Variants in ACAD11 observed in about 807,000 individuals in gnomAD.
The protein encoded by ACAD11 is acyl-Coenzyme A dehydrogenase family, member 11.
A neutral mutation model predicts 102.2 loss-of-function variants in ACAD11; 83 were observed. The ratio of observed to expected loss-of-function variants is 0.81; its 90% CI spans 0.68 to 0.97. ACAD11 has a LOEUF of 0.97. Among genes scored for constraint, ACAD11 ranks in the 50% least tolerant of loss-of-function variants. The pLI, the probability that ACAD11 is intolerant of heterozygous loss-of-function variation, is 0.00. For missense variants in ACAD11, 901 were observed against 951.7 expected, an observed-to-expected ratio of 0.95 and a Z score of 0.70; for synonymous variants, 324 against 319.8, an observed-to-expected ratio of 1.01 and a Z score of -0.14.
intron 17 of ACAD11, among the ~76,000 whole-genome samples, chr3:132,566,304 C>A (rs9845767): frequency 0.96 from 130,646 of 135,684 alleles, 62,879 homozygotes; most frequent in East Asian, 1. Flanking sequence ...CTCAAAAAAA[C>A]AAAAAAAAAA....
intron 13 of ACAD11, chr3:132,600,857 T>C (rs752904925): frequency 3.7e-6 from 6 of 1,613,984 alleles, no homozygotes; most frequent in East Asian, 2.2e-5. Context: ...GGGAAAACCA[T>C]GCTGGATCAT....
intron 11 of ACAD11, among the ~76,000 whole-genome samples, chr3:132,606,182 G>A (rs1024917053): frequency 3.3e-5 from 5 of 152,176 alleles, no homozygotes; most frequent in African/African-American, 1.2e-4. Flanking sequence ...TTTAAGGTTA[G>A]TTACTGAAAT....
chr3:132,602,665 T>A (rs961643575), intron 13 of ACAD11, among the ~76,000 whole-genome samples: 2 of 152,338 alleles, frequency 1.3e-5, no homozygotes, highest in African/African-American at 4.8e-5. Context: ...TAATGAATTT[T>A]ATCTCTAAAA....
chr3:132,648,264 T>C (rs1940790397), intron 1 of ACAD11, among the ~76,000 whole-genome samples: 1 of 152,172 alleles, frequency 6.6e-6, no homozygotes, highest in Non-Finnish European at 1.5e-5. Context: ...TTTACAGACC[T>C]TCCAGTTCAG....
At chr3:132,628,550 G>T in intron 7 of ACAD11, 104 bp from the exon 8 acceptor site, 6 of 717,708 alleles carry the variant, frequency 8.4e-6, no homozygotes, top group Non-Finnish European at 1.1e-5. Context: ...TACTCACAGG[G>T]TATGAAGACG....
At chr3:132,611,307 C>A (rs1389629594) in intron 11 of ACAD11, among the ~76,000 whole-genome samples, 1 of 152,048 alleles carries the variant, frequency 6.6e-6, no homozygotes, top group Non-Finnish European at 1.5e-5. Flanking sequence ...CCCTTGAAAA[C>A]TGGCACAAGA....
At chr3:132,636,976 G>A (rs1576611745) in intron 5 of ACAD11, among the ~76,000 whole-genome samples, 1 of 152,022 alleles carries the variant, frequency 6.6e-6, no homozygotes, top group African/African-American at 2.4e-5. Flanking sequence ...ATTTAGAAAA[G>A]CCATTTTTTA....
intron 9 of ACAD11, 105 bp from the exon 10 acceptor site, chr3:132,619,650 T>C: frequency 1.7e-6 from 1 of 573,230 alleles, no homozygotes; most frequent in Non-Finnish European, 3.0e-6. Context: ...GTGAAGATGC[T>C]TTTTCAGCTA....
intron 13 of ACAD11, among the ~76,000 whole-genome samples, chr3:132,589,958 C>T (rs1938007537): frequency 6.6e-6 from 1 of 152,160 alleles, no homozygotes; most frequent in African/African-American, 2.4e-5. Flanking sequence ...TAAGTGAGAA[C>T]ATGCGGTATT....
intron 9 of ACAD11, among the ~76,000 whole-genome samples, chr3:132,623,422 A>G (rs1036502651): frequency 1.3e-5 from 2 of 152,180 alleles, no homozygotes; most frequent in African/African-American, 4.8e-5. Context: ...TAATCTCCAA[A>G]TAACATCCTC....
Position 132,618,749 on chromosome 3 carries a change from G to C in ACAD11, c.1299C>G (p.Leu433=), listed in dbSNP as rs752909871. 1 of 1,598,230 alleles carries C rather than the reference G, an allele frequency of 6.3e-7. No homozygotes were observed. The highest frequency in any genetic ancestry group is 8.5e-7 in the Non-Finnish European group (1 of 1,173,860). ...KLKEMAKVEG[L]WNLFLPAVSG... ...TGACAGCTGGCAAAAACAAGTTCCA[G>C]AGACCCTCGACTTTGGCCATTTCCT... Residue 433 remains leucine (L), a synonymous_variant, in exon 11 of 20, where the codon CTC becomes CTG. Coordinates refer to ENST00000264990, the MANE Select transcript of ACAD11 (RefSeq NM_032169.5).
intron 13 of ACAD11, among the ~76,000 whole-genome samples, chr3:132,585,712 T>C (rs1210488771): frequency 6.6e-6 from 1 of 152,214 alleles, no homozygotes; most frequent in African/African-American, 2.4e-5. Flanking sequence ...AAAGAAGACA[T>C]TTATGCAGCC....
intron 17 of ACAD11, among the ~76,000 whole-genome samples, chr3:132,570,503 CTTT>C (rs1335760173): frequency 6.6e-6 from 1 of 151,846 alleles, no homozygotes; most frequent in Non-Finnish European, 1.5e-5. Context: ...GTAATCATAT[CTTT>C]TTTATTTACT....
intron 17 of ACAD11, 138 bp downstream of exon 17, chr3:132,575,634 T>C: frequency 9.5e-7 from 1 of 1,054,722 alleles, no homozygotes; most frequent in East Asian, 2.6e-5. Flanking sequence ...TATATTTAAA[T>C]ACAGACATAA....
chr3:132,605,338 T>C (rs1938796857), intron 11 of ACAD11, 133 bp from the exon 12 acceptor site: 3 of 527,772 alleles, frequency 5.7e-6, no homozygotes, highest in Non-Finnish European at 1.0e-5. Flanking sequence ...TTGAAATATA[T>C]AGTAAATATA....
At position 132,637,756 on chromosome 3, in the gene ACAD11, A is replaced by T. The variant is rs577615597; in HGVS notation, c.702+1736T>A. Among the ~76,000 whole-genome samples the T allele has an allele frequency of 3.3e-5, 5 of 152,292 alleles. No homozygotes were observed. The East Asian group carries it at 9.6e-4, about 29-fold the overall frequency. The stretch of plus-strand genomic sequence containing the variant: ...AACATGCTTTAAATACTTTGTAAAT[A>T]AGTAACAGAAAATAATTTCGTTTTG... On this transcript the variant is annotated intron_variant, in intron 5 of 19. Coordinates refer to ENST00000264990, the MANE Select transcript of ACAD11 (RefSeq NM_032169.5).
intron 17 of ACAD11, among the ~76,000 whole-genome samples, chr3:132,569,482 G>T (rs1937315069): frequency 1.3e-5 from 2 of 152,116 alleles, no homozygotes; most frequent in Non-Finnish European, 2.9e-5. Flanking sequence ...TTATCTCTGA[G>T]AAACGAAAAA....
At chr3:132,610,278 A>T (rs993796219) in intron 11 of ACAD11, among the ~76,000 whole-genome samples, 42 of 152,312 alleles carry the variant, frequency 2.8e-4, no homozygotes, top group African/African-American at 9.9e-4. Context: ...AAAGCAGGAA[A>T]GATCTAAAAT....
rs1939907358 is a variant in ACAD11, at chr3:132,628,439, T to C, written c.971A>G (p.Tyr324Cys). 6.3e-7 allele frequency: 1 copy of C among 1,584,698 alleles called. No homozygotes were observed. The highest frequency in any genetic ancestry group is 1.4e-5 in the African/African-American group (1 of 73,838). The change falls in exon 8 of 20, where the codon TAT becomes TGT. Residue 324 changes from tyrosine to cysteine, a missense_variant. Physicochemically the swap from Tyr to Cys is radical, Grantham distance 194. Transcript: ENST00000264990. ...ATTATTTCCCAGAAGATATCTGCTA[T>C]ATACTCCCTATAAATAAACATAGAA... ...FKMAGIAQGV[Y>C]SRYLLGNNSS...
Sources: gnomAD v4.1 joint callset for allele counts (sites outside exome capture counted in the v4.1 genomes callset) on GRCh38, gnomAD v4.1.1 for gene constraint, MANE v1.5 for transcripts, NCBI Gene and HGNC (gene_info 2026-07-23, HGNC 2026-07-21) for gene names.